Variants in PRMT7 observed in about 807,000 individuals in gnomAD.
PRMT7 encodes the protein protein arginine N-methyltransferase 7.
PRMT7 carries 75 observed loss-of-function variants against 85.4 expected under a neutral mutation model. The ratio of observed to expected loss-of-function variants is 0.88; its 90% CI spans 0.73 to 1.06. PRMT7 has a LOEUF of 1.06. Among genes scored for constraint, PRMT7 ranks in the 50% least tolerant of loss-of-function variants. The probability of loss-of-function intolerance (pLI) is 0.00; values close to 1 mark genes in which losing one functional copy is unlikely to be tolerated. For synonymous variants in PRMT7, 397 were observed against 359.5 expected (o/e 1.10, Z -1.18); for missense variants, 868 against 915.2 (o/e 0.95, Z 0.67).
rs771646706 is a variant in PRMT7, at chr16:68,321,491, A to T, written c.132+29A>T. On this transcript the variant is annotated intron_variant, in intron 4 of 18. Transcript: ENST00000441236. The stretch of plus-strand genomic sequence containing the variant: ...AGTGTAAAAGGAAACTATTATCTTG[A>T]TGTGGGGTGTTTTGAAGTCTTGGAT... The T allele has an allele frequency of 9.5e-5, 150 of 1,582,390 alleles. 2 individuals carry two copies. In the South Asian group the frequency reaches 1.6e-3, roughly 17 times the overall value.
At chr16:68,352,065 C>CTGAGGGAGGGAGGGACTGA in intron 14 of PRMT7, 183 bp from the exon 15 acceptor site, 1 of 604,076 alleles carries the variant, frequency 1.7e-6, no homozygotes, top group Non-Finnish European at 2.9e-6. Context: ...TGTTTGTTGA[C>CTGAGGGAGGGAGGGACTGA]TGAGGGAGGG....
At position 68,346,016 on chromosome 16, in the gene PRMT7, G is replaced by C. The variant is rs904653274; in HGVS notation, c.1056-129G>C. 10 of 1,438,268 alleles carry C rather than the reference G, an allele frequency of 7.0e-6. No individual in the cohort carries two copies. In the Middle Eastern group the frequency reaches 7.0e-4, roughly 101 times the overall value. 89.1% of individuals were successfully genotyped at this position (1,438,268 alleles called of 1,614,324 possible). A position where few individuals can be genotyped will look rare whatever the true frequency, so the allele number is the denominator to read the frequency against. On this transcript the variant is annotated intron_variant, in intron 10 of 18. Coordinates refer to ENST00000441236, the MANE Select transcript of PRMT7 (RefSeq NM_019023.5). ...GGAATCTGTTTAGAGCAGATGCGTAGGAAAAGTCTGGAATTAGCGGGTGCT... is the reference window on the plus strand; with the variant it reads ...GGAATCTGTTTAGAGCAGATGCGTACGAAAAGTCTGGAATTAGCGGGTGCT...
chr16:68,342,874 C>T (rs1236269428), intron 9 of PRMT7, among the ~76,000 whole-genome samples: 1 of 152,166 alleles, frequency 6.6e-6, no homozygotes, highest in East Asian at 1.9e-4. Context: ...TCACATTCTT[C>T]CTAAGACTGT....
chr16:68,311,072 G>C lies in PRMT7; in HGVS notation c.-246G>C. The C allele has an allele frequency of 2.6e-6, 2 of 773,796 alleles. No homozygotes were observed. The highest frequency in any genetic ancestry group is 2.6e-4 in the Middle Eastern group (1 of 3,796). The allele number at this position is 773,796 out of a possible 1,614,324, so 47.9% of individuals were successfully genotyped here. Reference sequence around the variant, plus strand: ...GGCCGCGGTAAAAGTGGTAGCAGCGGAGGCGAGCGGAGGGTTTCCCGCGGC... The same window carrying C: ...GGCCGCGGTAAAAGTGGTAGCAGCGCAGGCGAGCGGAGGGTTTCCCGCGGC... On this transcript the variant is annotated 5_prime_UTR_variant, in exon 1 of 19. Coordinates refer to ENST00000441236, the MANE Select transcript of PRMT7 (RefSeq NM_019023.5).
intron 5 of PRMT7, chr16:68,328,017 A>T (rs2083334890): frequency 5.6e-6 from 1 of 178,602 alleles, no homozygotes; most frequent in African/African-American, 2.4e-5. Flanking sequence ...ATTATTACAT[A>T]ATTGTTCTAT....
At chr16:68,325,117 G>A (rs1344471802) in intron 5 of PRMT7, among the ~76,000 whole-genome samples, 2 of 152,150 alleles carry the variant, frequency 1.3e-5, no homozygotes, top group Non-Finnish European at 2.9e-5. Context: ...CAGCACTTCG[G>A]GAGGGTGAGG....
At chr16:68,311,958 G>A (rs890276737) in intron 1 of PRMT7, 84 bp from the exon 2 acceptor site, 1 of 152,150 alleles carries the variant, frequency 6.6e-6, no homozygotes, top group Non-Finnish European at 1.5e-5. Flanking sequence ...TCTCTAGCTT[G>A]TGGTGGTGGC....
chr16:68,323,185 G>A (rs1027858099), intron 4 of PRMT7, among the ~76,000 whole-genome samples: 1 of 151,378 alleles, frequency 6.6e-6, no homozygotes, highest in Non-Finnish European at 1.5e-5. Flanking sequence ...TACCTCAGAG[G>A]CAACGTCATT....
At chr16:68,317,957 G>A (rs946672621) in intron 3 of PRMT7, among the ~76,000 whole-genome samples, 2 of 152,114 alleles carry the variant, frequency 1.3e-5, no homozygotes, top group African/African-American at 4.8e-5. Context: ...GAAAGCATAC[G>A]CGGGGTCATT....
At chr16:68,353,261 C>T (rs144277105) in intron 15 of PRMT7, 15,503 of 825,258 alleles carry the variant, frequency 0.019, 176 homozygotes, top group Non-Finnish European at 0.023. Context: ...GAGCTCTGGC[C>T]GACTGTCCCT....
intron 4 of PRMT7, chr16:68,323,678 G>A (rs1446820807): frequency 6.6e-6 from 1 of 152,054 alleles, no homozygotes; most frequent in African/African-American, 2.4e-5. Flanking sequence ...TTTGCATTGT[G>A]GTCAGAGGAT....
chr16:68,353,029 AAG>A (rs2087644620), intron 15 of PRMT7, among the ~76,000 whole-genome samples: 1 of 152,140 alleles, frequency 6.6e-6, no homozygotes, highest in Non-Finnish European at 1.5e-5. Flanking sequence ...TTCATGGCCA[AAG>A]AGGGGATGTC....
rs369486726 is a variant in PRMT7 at position 68,357,217 on chromosome 16, C to T, written c.2072C>T (p.Pro691Leu). 13 of 1,611,354 alleles carry T rather than the reference C, an allele frequency of 8.1e-6. No homozygotes were observed. Among genetic ancestry groups the T allele is most frequent in the Middle Eastern group, 1.6e-4 (1 of 6,070 alleles). ...IIMEFRHADT[P>L]D Reference sequence around the variant, plus strand: ...ATGGAGTTCAGGCATGCAGATACCCCAGACTGACCACTCTTGAGCAATAAA... The same window carrying T: ...ATGGAGTTCAGGCATGCAGATACCCTAGACTGACCACTCTTGAGCAATAAA... The change falls in exon 19 of 19, where the codon CCA becomes CTA. Residue 691 changes from proline to leucine, a missense_variant. Physicochemically the swap from Pro to Leu is moderately conservative, Grantham distance 98. Transcript: ENST00000441236.
At chr16:68,355,921 C>T (rs779802019) in intron 17 of PRMT7, 38 bp downstream of exon 17, 1 of 1,513,932 alleles carries the variant, frequency 6.6e-7, no homozygotes, top group Non-Finnish European at 8.8e-7. Context: ...GGAGGGGCTG[C>T]TGCTTGCCCT....
At chr16:68,360,802 C>T (rs117949548), downstream of PRMT7, 3,451 of 176,636 alleles carry the variant, frequency 0.02, 74 homozygotes, top group Non-Finnish European at 0.027. Context: ...ATGCGGGCAG[C>T]GTGCATGCGA....
intron 2 of PRMT7, 51 bp downstream of exon 2, chr16:68,312,227 A>ATTTTT (rs778218819): frequency 6.8e-5 from 6 of 88,300 alleles, no homozygotes; most frequent in African/African-American, 2.6e-4. Flanking sequence ...ATATATATAT[A>ATTTTT]TATTTTTTTT....
intron 5 of PRMT7, chr16:68,328,203 C>T: frequency 3.9e-6 from 1 of 254,772 alleles, no homozygotes; most frequent in Admixed American, 4.4e-5. Context: ...AATTTCCGCT[C>T]TCATGCACTT....
intron 3 of PRMT7, among the ~76,000 whole-genome samples, chr16:68,317,850 AAAACC>A (rs995035931): frequency 3.5e-5 from 2 of 57,848 alleles, no homozygotes; most frequent in African/African-American, 3.3e-4. Flanking sequence ...AAAAAGAAAA[AAAACC>A]ACACACACAC....
rs774943404 is a variant in PRMT7 at position 68,339,326 on chromosome 16, A to C, written c.509A>C (p.Asn170Thr). 6.2e-7 allele frequency: 1 copy of C among 1,613,726 alleles called. No individual in the cohort carries two copies. Residue 170 changes from asparagine (N) to threonine (T), a missense_variant, in exon 8 of 19, where the codon AAT becomes ACT. By Grantham distance (65) the Asn-to-Thr change is moderately conservative. Coordinates refer to ENST00000441236, the MANE Select transcript of PRMT7 (RefSeq NM_019023.5). The stretch of plus-strand genomic sequence containing the variant: ...TTGTTTTTAATATAAACTTAGGAAA[A>C]TTGTGAGGCCGTGCCCCACAGAGCC... Reference protein sequence around the residue: ...EHAHRHLVEENCEAVPHRATV... With the variant: ...EHAHRHLVEETCEAVPHRATV...
Sources: allele counts gnomAD v4.1 joint callset (sites outside exome capture counted in the v4.1 genomes callset), GRCh38; gene constraint gnomAD v4.1.1; transcripts MANE v1.5; gene names NCBI Gene and HGNC (gene_info 2026-07-23, HGNC 2026-07-21).